Variants in SEMA3E observed in about 807,000 individuals in gnomAD.
The protein encoded by SEMA3E is semaphorin 3E.
A neutral mutation model predicts 93.6 loss-of-function variants in SEMA3E; 49 were observed. The observed-to-expected ratio is 0.52, with a 90% confidence interval of 0.42 to 0.66. The LOEUF is 0.66. SEMA3E is among the 30% of genes least tolerant of loss of function. The pLI, the probability that SEMA3E is intolerant of heterozygous loss-of-function variation, is 0.00. For synonymous variants in SEMA3E, 363 were observed against 330.7 expected, an observed-to-expected ratio of 1.10 and a Z score of -1.06; for missense variants, 906 against 964.8, an observed-to-expected ratio of 0.94 and a Z score of 0.81.
chr7:83,434,518 CTT>C (rs549789403), intron 4 of SEMA3E, among the ~76,000 whole-genome samples: 41 of 152,216 alleles, frequency 2.7e-4, no homozygotes, highest in Non-Finnish European at 5.3e-4. Context: ...TCTTAGCTGA[CTT>C]TATTTTTAAT....
intron 1 of SEMA3E, among the ~76,000 whole-genome samples, chr7:83,635,881 C>CAA (rs5885371): frequency 0.012 from 1,734 of 139,574 alleles, 33 homozygotes; most frequent in African/African-American, 0.035. Context: ...GACAGACTGA[C>CAA]AAAAAAAAAA....
chr7:83,407,300 T>A, intron 6 of SEMA3E, 61 bp from the exon 7 acceptor site: 3 of 1,364,180 alleles, frequency 2.2e-6, no homozygotes, highest in Non-Finnish European at 3.1e-6. Flanking sequence ...TGCTAACAAG[T>A]TATTCCAATA....
intron 1 of SEMA3E, among the ~76,000 whole-genome samples, chr7:83,608,134 A>T (rs1012288785): frequency 1.3e-5 from 2 of 151,872 alleles, no homozygotes; most frequent in African/African-American, 4.8e-5. Flanking sequence ...AAGTACTTGA[A>T]CCCAGGAGGC....
intron 10 of SEMA3E, among the ~76,000 whole-genome samples, chr7:83,400,625 A>G (rs1165552448): frequency 6.6e-6 from 1 of 152,040 alleles, no homozygotes; most frequent in East Asian, 1.9e-4. Context: ...TTTGTTACAG[A>G]AATAGAATCT....
At chr7:83,636,599 A>G (rs1391977177) in intron 1 of SEMA3E, among the ~76,000 whole-genome samples, 1 of 152,194 alleles carries the variant, frequency 6.6e-6, no homozygotes, top group Non-Finnish European at 1.5e-5. Context: ...AATTTGTAGT[A>G]ATCATATTTC....
chr7:83,616,080 T>A (rs919327916), intron 1 of SEMA3E, among the ~76,000 whole-genome samples: 7 of 151,918 alleles, frequency 4.6e-5, no homozygotes, highest in Non-Finnish European at 7.4e-5. Context: ...CCCGTTGGGG[T>A]CCCTTTCAAA....
chr7:83,482,052 A>G (rs1325719354), intron 2 of SEMA3E, among the ~76,000 whole-genome samples: 3 of 152,112 alleles, frequency 2.0e-5, no homozygotes, highest in Non-Finnish European at 4.4e-5. Context: ...CTAAACACAG[A>G]TATTATTTAC....
At chr7:83,514,177 G>C (rs373748595) in intron 1 of SEMA3E, among the ~76,000 whole-genome samples, 1 of 152,084 alleles carries the variant, frequency 6.6e-6, no homozygotes, top group East Asian at 1.9e-4. Context: ...TCTAAAAAGG[G>C]GGGTGGAGGC....
Position 83,366,186 on chromosome 7 carries a change from T to C in SEMA3E, c.*1400A>G, listed in dbSNP as rs1459947839. On this transcript the variant is annotated 3_prime_UTR_variant, in exon 17 of 17. Coordinates refer to ENST00000643230, the MANE Select transcript of SEMA3E (RefSeq NM_012431.3). Reference sequence around the variant, plus strand: ...AACTGAAATAAACACTGTTTAAGATTAATATCTAAATAAATGTTCATAATG... The same window carrying C: ...AACTGAAATAAACACTGTTTAAGATCAATATCTAAATAAATGTTCATAATG... 1.3e-5 allele frequency: 2 copies of C among 152,084 alleles called. No homozygotes were observed. Among genetic ancestry groups the C allele is most frequent in the African/African-American group, 4.8e-5 (2 of 41,450 alleles). The allele number at this position is 152,084 out of a possible 1,614,324, so 9.4% of individuals were successfully genotyped here.
intron 2 of SEMA3E, among the ~76,000 whole-genome samples, chr7:83,475,394 G>T (rs1184095418): frequency 6.6e-6 from 1 of 152,076 alleles, no homozygotes. Context: ...AAAAGATAGA[G>T]ACAGAATCTC....
At chr7:83,411,935 T>G (rs1172177482) in intron 5 of SEMA3E, among the ~76,000 whole-genome samples, 1 of 152,198 alleles carries the variant, frequency 6.6e-6, no homozygotes, top group Non-Finnish European at 1.5e-5. Flanking sequence ...AGTCTTTATA[T>G]AGAGAAGAAA....
At chr7:83,464,468 GTTTTT>G (rs1789707099) in intron 4 of SEMA3E, among the ~76,000 whole-genome samples, 2 of 102,596 alleles carry the variant, frequency 1.9e-5, no homozygotes, top group African/African-American at 5.8e-5. Context: ...TGTTTACACT[GTTTTT>G]CCAAGCCATC....
At chr7:83,611,814 A>G (rs1414107444) in intron 1 of SEMA3E, among the ~76,000 whole-genome samples, 1 of 152,088 alleles carries the variant, frequency 6.6e-6, no homozygotes, top group Non-Finnish European at 1.5e-5. Flanking sequence ...TCTGCCAGCC[A>G]GGATTCCGGC....
chr7:83,444,286 G>A (rs574156531), intron 4 of SEMA3E, among the ~76,000 whole-genome samples: 5 of 152,256 alleles, frequency 3.3e-5, no homozygotes, highest in East Asian at 1.9e-4. Flanking sequence ...ACAAAATCTC[G>A]TGATTGTCTC....
intron 1 of SEMA3E, among the ~76,000 whole-genome samples, chr7:83,505,820 C>A (rs1336096100): frequency 6.6e-6 from 1 of 151,668 alleles, no homozygotes; most frequent in Non-Finnish European, 1.5e-5. Flanking sequence ...TCGAGAACAT[C>A]CTGGCTAACA....
At chr7:83,498,939 G>T (rs1790544005) in intron 1 of SEMA3E, among the ~76,000 whole-genome samples, 1 of 152,108 alleles carries the variant, frequency 6.6e-6, no homozygotes, top group East Asian at 1.9e-4. Flanking sequence ...ATTCCTTCAA[G>T]TTTTTTATGC....
intron 1 of SEMA3E, among the ~76,000 whole-genome samples, chr7:83,618,622 T>C (rs1021288476): frequency 6.6e-6 from 1 of 151,996 alleles, no homozygotes; most frequent in Non-Finnish European, 1.5e-5. Context: ...CTTTATTTTT[T>C]CTATTATTTG....
chr7:83,380,983 C>T (rs1033935854), intron 16 of SEMA3E, among the ~76,000 whole-genome samples: 1 of 151,920 alleles, frequency 6.6e-6, no homozygotes, highest in African/African-American at 2.4e-5. Context: ...GTCTTGAAGG[C>T]ATGAACACAT....
chr7:83,458,931 G>GTA (rs1243050560), intron 4 of SEMA3E, among the ~76,000 whole-genome samples: 2 of 133,456 alleles, frequency 1.5e-5, no homozygotes, highest in Admixed American at 8.3e-5. Flanking sequence ...ATGTATATAT[G>GTA]TATATATATA....
Sources: allele counts gnomAD v4.1 joint callset (sites outside exome capture counted in the v4.1 genomes callset), GRCh38; gene constraint gnomAD v4.1.1; transcripts MANE v1.5; gene names NCBI Gene and HGNC (gene_info 2026-07-23, HGNC 2026-07-21).